Variants in KIAA1217 observed in about 807,000 individuals in gnomAD.
KIAA1217 encodes KIAA1217, also known as sickle tail protein homolog.
KIAA1217 carries 88 observed loss-of-function variants against 163.9 expected under a neutral mutation model. The observed-to-expected ratio is 0.54, with a 90% CI of 0.45 to 0.64. The LOEUF (loss-of-function observed/expected upper bound fraction) is 0.64, where lower values mean the gene tolerates loss of function less well. Among genes scored for constraint, KIAA1217 ranks in the 30% least tolerant of loss-of-function variants. The pLI is 0.00. For missense variants in KIAA1217, 2,372 were observed against 2,475.0 expected (o/e 0.96, Z 0.88); for synonymous variants, 903 against 923.1 (o/e 0.98, Z 0.39).
intron 9 of KIAA1217, among the ~76,000 whole-genome samples, chr10:24,512,318 T>C (rs1473046011): frequency 6.6e-6 from 1 of 152,204 alleles, no homozygotes; most frequent in Non-Finnish European, 1.5e-5. Context: ...TGTTAAATGA[T>C]ATTTCAGTGG....
intron 1 of KIAA1217, among the ~76,000 whole-genome samples, chr10:23,852,942 A>C (rs1370688461): frequency 2.0e-5 from 3 of 152,214 alleles, no homozygotes; most frequent in East Asian, 3.9e-4. Context: ...CTAGATATAC[A>C]AGCATGTCAC....
At chr10:24,414,387 G>T (rs77665567) in intron 3 of KIAA1217, among the ~76,000 whole-genome samples, 2,421 of 152,306 alleles carry the variant, frequency 0.016, 56 homozygotes, top group African/African-American at 0.055. Flanking sequence ...CTTCCACCTG[G>T]GGTAGGTGCT....
chr10:23,953,804 C>A (rs1408058119), intron 1 of KIAA1217, among the ~76,000 whole-genome samples: 1 of 152,136 alleles, frequency 6.6e-6, no homozygotes, highest in East Asian at 1.9e-4. Context: ...GATTAATTGA[C>A]CCATACTCAG....
chr10:24,389,669 G>T (rs1343019271), intron 3 of KIAA1217, among the ~76,000 whole-genome samples: 1 of 152,112 alleles, frequency 6.6e-6, no homozygotes, highest in Non-Finnish European at 1.5e-5. Context: ...GGTGGTTAGG[G>T]TGTCTGGCTG....
At chr10:23,900,278 T>C (rs1841900951) in intron 1 of KIAA1217, among the ~76,000 whole-genome samples, 3 of 152,044 alleles carry the variant, frequency 2.0e-5, no homozygotes, top group Admixed American at 6.6e-5. Flanking sequence ...AGTGCTGAGA[T>C]TACAAGCACG....
intron 3 of KIAA1217, among the ~76,000 whole-genome samples, chr10:24,399,507 T>C (rs1200468789): frequency 6.6e-6 from 1 of 152,242 alleles, no homozygotes; most frequent in East Asian, 1.9e-4. Context: ...CTGATAGTCT[T>C]TATTCTCATT....
intron 11 of KIAA1217, among the ~76,000 whole-genome samples, chr10:24,520,642 AAAAAAAAAAATATATATATATAT>A (rs1260905937): frequency 2.3e-4 from 21 of 91,478 alleles, no homozygotes; most frequent in African/African-American, 1.1e-3. Context: ...AAAAAAAAAA[AAAAAAAAAAATATATATATATAT>A]ATATATATAT....
At chr10:23,904,553 A>T (rs1842075331) in intron 1 of KIAA1217, among the ~76,000 whole-genome samples, 1 of 152,086 alleles carries the variant, frequency 6.6e-6, no homozygotes, top group African/African-American at 2.4e-5. Context: ...AAACACTTCC[A>T]CATCAAGGTG....
intron 1 of KIAA1217, among the ~76,000 whole-genome samples, chr10:23,880,207 T>C (rs1334089738): frequency 1.3e-5 from 2 of 151,778 alleles, no homozygotes; most frequent in African/African-American, 4.8e-5. Flanking sequence ...TATGTGTCCA[T>C]CAACAGGGGA....
Position 23,790,270 on chromosome 10 carries a change from C to CATATAT in KIAA1217, c.-321+95037_-321+95038insTATATA, listed in dbSNP as rs1835738384. 2.3e-5 allele frequency among the ~76,000 whole-genome samples: 2 copies of CATATAT among 87,066 alleles called. 1 individual carries two copies. Among genetic ancestry groups the CATATAT allele is most frequent in the South Asian group, 5.6e-4 (2 of 3,572 alleles). 57.1% of individuals were successfully genotyped at this position (87,066 alleles called of 152,430 possible). Reference sequence around the variant, plus strand: ...ATATGCATATGCACATATGCATATGCACATATGCATATGCACATATGCATA... The same window carrying CATATAT: ...ATATGCATATGCACATATGCATATGCATATATACATATGCATATGCACATATGCATA... On this transcript the variant is annotated intron_variant, in intron 1 of 18. Coordinates refer to the KIAA1217 transcript ENST00000376462.
chr10:24,403,231 T>TTTA (rs1020114353), intron 3 of KIAA1217, among the ~76,000 whole-genome samples: 17 of 152,070 alleles, frequency 1.1e-4, no homozygotes, highest in Admixed American at 5.9e-4. Context: ...ATTCTATTTA[T>TTTA]TTATTATTAT....
At position 24,520,228 on chromosome 10, in the gene KIAA1217, G is replaced by A. The variant is rs369025251; in HGVS notation, c.2283G>A (p.Val761=). Residue 761 remains valine, a synonymous_variant, in exon 11 of 21, where the codon GTG becomes GTA. Transcript: ENST00000376454. ...ACGGGGCTTTCCTCCTGCGTCAAGT[G>A]GGAGAGGCTGTAGCTACCCTGAAAG... ...VEDGAFLLRQ[V]GEAVATLKGE... 6.2e-7 allele frequency: 1 copy of A among 1,614,126 alleles called. No individual in the cohort carries two copies. The highest frequency in any genetic ancestry group is 8.5e-7 in the Non-Finnish European group (1 of 1,180,002).
intron 1 of KIAA1217, among the ~76,000 whole-genome samples, chr10:23,831,238 CA>C (rs1838178507): frequency 6.9e-6 from 1 of 145,070 alleles, no homozygotes; most frequent in African/African-American, 2.6e-5. Context: ...GTAGGCAACA[CA>C]AAAAAATATA....
intron 1 of KIAA1217, among the ~76,000 whole-genome samples, chr10:23,763,319 A>G (rs920246674): frequency 1.3e-5 from 2 of 152,220 alleles, no homozygotes; most frequent in African/African-American, 4.8e-5. Flanking sequence ...ATCCTAAGCA[A>G]AAAGAACAAA....
At chr10:23,798,202 A>G (rs917335433) in intron 1 of KIAA1217, among the ~76,000 whole-genome samples, 15 of 152,200 alleles carry the variant, frequency 9.9e-5, no homozygotes, top group Admixed American at 2.6e-4. Context: ...TTTGCATTCT[A>G]TGGGTGAGAT....
chr10:24,411,947 C>T (rs1389307568), intron 3 of KIAA1217, among the ~76,000 whole-genome samples: 2 of 151,944 alleles, frequency 1.3e-5, no homozygotes, highest in Non-Finnish European at 1.5e-5. Flanking sequence ...CCACCGAGGT[C>T]ACAGAGGTAA....
At chr10:23,986,727 G>A (rs1272177989) in intron 1 of KIAA1217, among the ~76,000 whole-genome samples, 2 of 152,196 alleles carry the variant, frequency 1.3e-5, no homozygotes, top group Non-Finnish European at 2.9e-5. Flanking sequence ...TATGAGGACT[G>A]AGAATGAATG....
intron 2 of KIAA1217, among the ~76,000 whole-genome samples, chr10:24,302,659 A>G (rs2041507548): frequency 6.6e-6 from 1 of 152,194 alleles, no homozygotes; most frequent in Non-Finnish European, 1.5e-5. Flanking sequence ...ACAAACCAAT[A>G]GATGGCATGC....
Position 24,543,504 on chromosome 10 carries a change from C to T in KIAA1217, c.4234C>T (p.Gln1412Ter). 1 of 1,614,144 alleles carries T rather than the reference C, an allele frequency of 6.2e-7. No homozygotes were observed. Among genetic ancestry groups the T allele is most frequent in the Admixed American group, 1.7e-5 (1 of 60,018 alleles). Residue 1412 changes from glutamine to a stop codon, truncating the protein, a stop_gained, in exon 19 of 21, where the codon CAG (glutamine) becomes TAG (stop). Coordinates refer to ENST00000376454, the MANE Select transcript of KIAA1217 (RefSeq NM_019590.5). LOFTEE classifies it high-confidence loss of function. ...DIVSQKGEDI[Q>*]TVNIDARKEM... ...TGTTAGCCAAAAGGGAGAAGACATA[C>T]AGACGGTTAATATCGATGCCAGAAA... is the stretch of plus-strand genomic sequence containing the variant.
Sources: allele counts gnomAD v4.1 joint callset (sites outside exome capture counted in the v4.1 genomes callset), GRCh38; gene constraint gnomAD v4.1.1; transcripts MANE v1.5; gene names NCBI Gene and HGNC (gene_info 2026-07-23, HGNC 2026-07-21).